TIAM1: variants seen among roughly 807,000 people sequenced by gnomAD.
TIAM1 encodes the protein TIAM Rac1 associated GEF 1, also known as rho guanine nucleotide exchange factor TIAM1.
Under a neutral mutation model 163.5 loss-of-function variants are expected in TIAM1, and 65 were observed. The observed-to-expected ratio is 0.40, with a 90% confidence interval of 0.33 to 0.49. The LOEUF (loss-of-function observed/expected upper bound fraction) is 0.49, where lower values mean the gene tolerates loss of function less well. TIAM1 is among the 20% of genes least tolerant of loss of function. The pLI, the probability that TIAM1 is intolerant of heterozygous loss-of-function variation, is 0.77. For missense variants in TIAM1, 1,789 were observed against 2,044.7 expected (o/e 0.87, Z 2.41); for synonymous variants, 833 against 810.1 (o/e 1.03, Z -0.48).
At chr21:31,472,817 G>C (rs1260207029) in intron 1 of TIAM1, among the ~76,000 whole-genome samples, 1 of 152,246 alleles carries the variant, frequency 6.6e-6, no homozygotes, top group Non-Finnish European at 1.5e-5. Flanking sequence ...AAGATTAGTG[G>C]AGGATTAAGG....
intron 8 of TIAM1, among the ~76,000 whole-genome samples, chr21:31,223,140 A>C (rs1332318102): frequency 1.3e-5 from 2 of 152,236 alleles, no homozygotes; most frequent in East Asian, 1.9e-4. Context: ...CTATCAACAA[A>C]TACTACATGT....
intron 2 of TIAM1, among the ~76,000 whole-genome samples, chr21:31,287,286 T>A (rs2073847544): frequency 6.6e-6 from 1 of 152,220 alleles, no homozygotes; most frequent in African/African-American, 2.4e-5. Context: ...ATTGTTTGGG[T>A]AAGACAGAGT....
intron 2 of TIAM1, among the ~76,000 whole-genome samples, chr21:31,388,583 A>T (rs149507134): frequency 1.3e-5 from 2 of 152,250 alleles, no homozygotes; most frequent in African/African-American, 4.8e-5. Flanking sequence ...ATTTGAGCCT[A>T]GGACTTGGAG....
At chr21:31,305,440 A>T (rs1273127974) in intron 2 of TIAM1, among the ~76,000 whole-genome samples, 1 of 149,668 alleles carries the variant, frequency 6.7e-6, no homozygotes, top group Non-Finnish European at 1.5e-5. Flanking sequence ...AAAAAAAAAC[A>T]GTTCTTAGCC....
rs139126367 is a variant in TIAM1, at chr21:31,133,807, T to C, written c.3883+2126A>G. ...AAAGAGGGTCGGGCGCGGTGGCTCA[T>C]ACCTGTAATCCCAGCACTTTGGGAG... On this transcript the variant is annotated intron_variant, in intron 23 of 27. Coordinates refer to ENST00000541036, the MANE Select transcript of TIAM1 (RefSeq NM_001353694.2). Among the ~76,000 whole-genome samples the C allele has an allele frequency of 3.4e-3, 511 of 152,302 alleles. 5 individuals are homozygous for C. The highest frequency in any genetic ancestry group is 0.012 in the African/African-American group (490 of 41,574).
At chr21:31,257,743 C>T (rs1362209469) in intron 4 of TIAM1, among the ~76,000 whole-genome samples, 3 of 152,110 alleles carry the variant, frequency 2.0e-5, no homozygotes, top group African/African-American at 7.2e-5. Flanking sequence ...TCGATGTCCC[C>T]ACCCACTAGT....
chr21:31,443,628 C>A (rs898032925), intron 2 of TIAM1, among the ~76,000 whole-genome samples: 19 of 152,170 alleles, frequency 1.2e-4, no homozygotes, highest in Admixed American at 2.6e-4. Context: ...ACAACCACCA[C>A]CACCCACCAC....
chr21:31,199,981 C>G (rs1161233446), intron 12 of TIAM1, among the ~76,000 whole-genome samples: 1 of 151,882 alleles, frequency 6.6e-6, no homozygotes, highest in East Asian at 1.9e-4. Flanking sequence ...GATGTGCCAT[C>G]TCCCTCTCTC....
At chr21:31,410,177 T>C (rs952719149) in intron 2 of TIAM1, among the ~76,000 whole-genome samples, 6 of 150,188 alleles carry the variant, frequency 4.0e-5, no homozygotes, top group African/African-American at 1.5e-4. Context: ...AAAAAGGGTG[T>C]ATGTGTGAGT....
chr21:31,543,487 C>A (rs1346837637), intron 1 of TIAM1, among the ~76,000 whole-genome samples: 2 of 147,276 alleles, frequency 1.4e-5, no homozygotes, highest in African/African-American at 2.5e-5. Context: ...GAGACCCAAG[C>A]TAGACTATAA....
At position 31,472,266 on chromosome 21, in the gene TIAM1, C is replaced by T. The variant is rs142810284; in HGVS notation, c.-421-8231G>A. On this transcript the variant is annotated intron_variant, in intron 1 of 28. Coordinates refer to the TIAM1 transcript ENST00000286827. ...TCTGGGCCAGGCTCAATGTCTCACG[C>T]TTGTAATCCCAGCACTTTGGGAGGC... Among the ~76,000 whole-genome samples the T allele has an allele frequency of 2.3e-3, 344 of 152,266 alleles. 1 individual carries two copies. The highest frequency in any genetic ancestry group is 7.5e-3 in the African/African-American group (313 of 41,562).
At chr21:31,512,148 G>GTACA (rs1422685979) in intron 1 of TIAM1, among the ~76,000 whole-genome samples, 1 of 152,074 alleles carries the variant, frequency 6.6e-6, no homozygotes, top group African/African-American at 2.4e-5. Flanking sequence ...CCAGGCTGGA[G>GTACA]TACAGTGGTA....
chr21:31,125,164 G>GTA (rs1246798827), intron 26 of TIAM1, among the ~76,000 whole-genome samples: 2 of 148,902 alleles, frequency 1.3e-5, no homozygotes, highest in Non-Finnish European at 3.0e-5. Context: ...ATTTCAACAT[G>GTA]TATATATTAA....
chr21:31,438,179 C>CTTTTTTTTTTTTTTTTTT (rs34844399), intron 2 of TIAM1, among the ~76,000 whole-genome samples: 10 of 62,686 alleles, frequency 1.6e-4, no homozygotes, highest in African/African-American at 6.3e-4. Flanking sequence ...TATTTGTGAT[C>CTTTTTTTTTTTTTTTTTT]TTTTTTTTTT....
At chr21:31,163,830 T>TA (rs1451318737) in intron 16 of TIAM1, among the ~76,000 whole-genome samples, 2 of 152,166 alleles carry the variant, frequency 1.3e-5, no homozygotes. Flanking sequence ...AGTATACAGT[T>TA]ATGTGATTTG....
intron 16 of TIAM1, among the ~76,000 whole-genome samples, chr21:31,155,196 G>C (rs944204547): frequency 1.3e-5 from 2 of 152,198 alleles, no homozygotes; most frequent in Non-Finnish European, 2.9e-5. Context: ...TAGGATTCCA[G>C]GATTCTAAAA....
At chr21:31,541,637 G>C (rs1358163083) in intron 1 of TIAM1, among the ~76,000 whole-genome samples, 5 of 152,144 alleles carry the variant, frequency 3.3e-5, no homozygotes. Flanking sequence ...TATGCAGGCT[G>C]ATGGTGTAAC....
chr21:31,550,623 G>C (rs1047535320), intron 1 of TIAM1, among the ~76,000 whole-genome samples: 2 of 151,950 alleles, frequency 1.3e-5, no homozygotes, highest in Admixed American at 6.6e-5. Context: ...TTTAAAAAGA[G>C]GTGGAAGTAT....
chr21:31,146,014 T>TA (rs1568914546), intron 20 of TIAM1, among the ~76,000 whole-genome samples: 1 of 152,168 alleles, frequency 6.6e-6, no homozygotes, highest in Admixed American at 6.5e-5. Flanking sequence ...TGGTAGGTTA[T>TA]AATCGAAATT....
Sources: gnomAD v4.1 joint callset for allele counts (sites outside exome capture counted in the v4.1 genomes callset) on GRCh38, gnomAD v4.1.1 for gene constraint, MANE v1.5 for transcripts, NCBI Gene and HGNC (gene_info 2026-07-23, HGNC 2026-07-21) for gene names.